Variants in CCDC73 observed in about 807,000 individuals in gnomAD.
CCDC73 encodes coiled-coil domain-containing protein 73.
In CCDC73, 95 loss-of-function variants were observed where a neutral mutation model predicts 116.5. The ratio of observed to expected loss-of-function variants is 0.82; its 90% CI spans 0.69 to 0.97. The LOEUF (loss-of-function observed/expected upper bound fraction) is 0.97. Among genes scored for constraint, CCDC73 ranks in the 50% least tolerant of loss-of-function variants. The pLI, the probability that CCDC73 is intolerant of heterozygous loss-of-function variation, is 0.00. For synonymous variants in CCDC73, 398 were observed against 401.3 expected, an observed-to-expected ratio of 0.99 and a Z score of 0.10; for missense variants, 1,066 against 1,206.8, an observed-to-expected ratio of 0.88 and a Z score of 1.73.
chr11:32,653,314 C>A (rs1203798711), intron 11 of CCDC73, 87 bp from the exon 12 acceptor site: 2 of 778,082 alleles, frequency 2.6e-6, no homozygotes, highest in Non-Finnish European at 4.2e-6. Context: ...TTCTAGTTTC[C>A]TAACTCACTG....
chr11:32,758,540 C>A, intron 2 of CCDC73: 1 of 452,292 alleles, frequency 2.2e-6, no homozygotes. Context: ...CAGGATCAAA[C>A]ATGCTTTCTT....
At chr11:32,816,747 C>A in the CCDC73 span, among the ~76,000 whole-genome samples, 13 of 152,094 alleles carry the variant, frequency 8.5e-5, no homozygotes, top group African/African-American at 3.1e-4. Context: ...TTAGTACATT[C>A]AACATTGCTG....
intron 1 of CCDC73, among the ~76,000 whole-genome samples, chr11:32,791,991 T>TACACACACAC (rs66955881): frequency 1.4e-5 from 2 of 145,130 alleles, no homozygotes; most frequent in South Asian, 2.2e-4. Flanking sequence ...CACACACACA[T>TACACACACAC]ACACACACAC....
At chr11:32,722,217 C>A (rs1407773931) in intron 2 of CCDC73, among the ~76,000 whole-genome samples, 1 of 152,118 alleles carries the variant, frequency 6.6e-6, no homozygotes, top group African/African-American at 2.4e-5. Context: ...CTCATGGTTG[C>A]AAAATGGTTA....
intron 6 of CCDC73, among the ~76,000 whole-genome samples, chr11:32,689,856 G>A (rs1316337482): frequency 1.3e-5 from 2 of 152,058 alleles, no homozygotes; most frequent in South Asian, 2.1e-4. Context: ...TTAGCCGGGA[G>A]TGGTGGCGGG....
At chr11:32,735,137 C>A (rs977141406) in intron 2 of CCDC73, among the ~76,000 whole-genome samples, 83 of 152,120 alleles carry the variant, frequency 5.5e-4, no homozygotes, top group East Asian at 1.9e-4. Flanking sequence ...TCTCACCACT[C>A]CTATTCAACA....
chr11:32,683,374 C>T (rs1856165271), intron 7 of CCDC73, 162 bp downstream of exon 7: 1 of 637,276 alleles, frequency 1.6e-6, no homozygotes, highest in Non-Finnish European at 2.9e-6. Context: ...ATTTATGCAA[C>T]ATGTGAAATT....
chr11:32,613,361 C>CA (rs1855439650), intron 16 of CCDC73, 61 bp downstream of exon 16: 28 of 1,343,844 alleles, frequency 2.1e-5, no homozygotes, highest in Non-Finnish European at 2.8e-5. Context: ...TGACTGTACA[C>CA]ATTTATCAAG....
At chr11:32,830,278 C>A in the CCDC73 span, 4 of 926,694 alleles carry the variant, frequency 4.3e-6, no homozygotes, top group African/African-American at 5.2e-5. Flanking sequence ...TTGCCCGCGG[C>A]GACAGGTGCC....
At chr11:32,680,851 T>C (rs896362785) in intron 7 of CCDC73, 6 of 151,988 alleles carry the variant, frequency 3.9e-5, no homozygotes, top group Admixed American at 6.6e-5. Flanking sequence ...CCAAACTAAA[T>C]CAATGGAGTT....
chr11:32,672,367 T>C (rs560873105), intron 9 of CCDC73, among the ~76,000 whole-genome samples: 179 of 152,262 alleles, frequency 1.2e-3, no homozygotes, highest in African/African-American at 4.2e-3. Flanking sequence ...TAATAGTCTA[T>C]TATGTTACAA....
intron 2 of CCDC73, among the ~76,000 whole-genome samples, chr11:32,719,016 A>G (rs1454087871): frequency 2.0e-5 from 3 of 152,134 alleles, no homozygotes; most frequent in Non-Finnish European, 4.4e-5. Context: ...CCACCATGCC[A>G]ATAAGCATCA....
At chr11:32,618,577 A>C (rs1313044610) in intron 14 of CCDC73, among the ~76,000 whole-genome samples, 1 of 151,890 alleles carries the variant, frequency 6.6e-6, no homozygotes, top group East Asian at 1.9e-4. Context: ...TTTTGAGACA[A>C]AGTCTCACTT....
chr11:32,645,360 C>T (rs948061860), intron 12 of CCDC73, among the ~76,000 whole-genome samples: 6 of 145,958 alleles, frequency 4.1e-5, no homozygotes, highest in Non-Finnish European at 8.9e-5. Flanking sequence ...GGCGCGATCT[C>T]GGCTCACTGC....
chr11:32,773,099 G>A (rs1342765301), intron 1 of CCDC73, among the ~76,000 whole-genome samples: 1 of 152,168 alleles, frequency 6.6e-6, no homozygotes, highest in East Asian at 1.9e-4. Context: ...ATAAGAAGGG[G>A]TGAAGTAATG....
intron 1 of CCDC73, among the ~76,000 whole-genome samples, chr11:32,763,285 G>A (rs956682636): frequency 2.0e-4 from 30 of 152,310 alleles, no homozygotes; most frequent in African/African-American, 6.7e-4. Flanking sequence ...ATCTGAGAAC[G>A]GACAGACTGC....
At chr11:32,707,980 T>C (rs2133322213) in intron 3 of CCDC73, among the ~76,000 whole-genome samples, 1 of 152,282 alleles carries the variant, frequency 6.6e-6, no homozygotes, top group Middle Eastern at 3.4e-3. Context: ...CCTAAGCCAA[T>C]GTCTAGAAGG....
At chr11:32,735,853 C>G (rs576371436) in intron 2 of CCDC73, among the ~76,000 whole-genome samples, 1 of 152,072 alleles carries the variant, frequency 6.6e-6, no homozygotes, top group Admixed American at 6.6e-5. Flanking sequence ...AGAAATAATA[C>G]CACACATCTA....
chr11:32,825,273 TA>T, the CCDC73 span, among the ~76,000 whole-genome samples: 1 of 150,176 alleles, frequency 6.7e-6, no homozygotes, highest in Middle Eastern at 3.5e-3. Flanking sequence ...AACACTTCAT[TA>T]TCATCTTTTT....
Sources: allele counts gnomAD v4.1 joint callset (sites outside exome capture counted in the v4.1 genomes callset), GRCh38; gene constraint gnomAD v4.1.1; transcripts MANE v1.5; gene names NCBI Gene and HGNC (gene_info 2026-07-23, HGNC 2026-07-21).